Variants in LRRC49 observed in about 807,000 individuals in gnomAD.
The protein encoded by LRRC49 is leucine rich repeat containing 49.
In LRRC49, 50 loss-of-function variants were observed where a neutral mutation model predicts 83.3. The observed-to-expected ratio is 0.60, with a 90% CI of 0.48 to 0.76. The LOEUF (loss-of-function observed/expected upper bound fraction) is 0.76. Ranked by LOEUF, LRRC49 falls within the 30% of genes least tolerant of loss-of-function variation. LRRC49 has a pLI of 0.00. For synonymous variants in LRRC49, 286 were observed against 283.3 expected, an observed-to-expected ratio of 1.01 and a Z score of -0.10; for missense variants, 704 against 809.1, an observed-to-expected ratio of 0.87 and a Z score of 1.58.
At chr15:70,870,402 G>A (rs1290349061) in intron 1 of LRRC49, among the ~76,000 whole-genome samples, 2 of 152,186 alleles carry the variant, frequency 1.3e-5, no homozygotes, top group Non-Finnish European at 2.9e-5. Flanking sequence ...TGTGACACTT[G>A]AGGTTCATGT....
chr15:70,873,077 GT>G lies in LRRC49; in HGVS notation c.-126del. 4.2e-6 allele frequency: 3 copies of G among 716,236 alleles called. No homozygotes were observed. The East Asian group carries it at 8.2e-5, about 20-fold the overall frequency. 44.4% of individuals were successfully genotyped at this position (716,236 alleles called of 1,614,324 possible). On this transcript the variant is annotated 5_prime_UTR_variant, in exon 2 of 17. Transcript: ENST00000544974. Reference sequence around the variant, plus strand: ...TTTTTGTATTTTTAGTAGAGGCGGGGTTTCACCATCTTGGCCAGGCTGGTCT... The same window carrying G: ...TTTTTGTATTTTTAGTAGAGGCGGGGTTCACCATCTTGGCCAGGCTGGTCT...
At chr15:70,988,605 G>A (rs1448887542) in intron 11 of LRRC49, among the ~76,000 whole-genome samples, 2 of 151,362 alleles carry the variant, frequency 1.3e-5, no homozygotes, top group Non-Finnish European at 3.0e-5. Context: ...GCCAGTCTGT[G>A]TCTTTTAATT....
chr15:70,947,966 G>A (rs1428716777), intron 8 of LRRC49, among the ~76,000 whole-genome samples: 1 of 152,172 alleles, frequency 6.6e-6, no homozygotes, highest in Non-Finnish European at 1.5e-5. Context: ...ATTACCAAGG[G>A]AAGGGAAGTT....
intron 4 of LRRC49, among the ~76,000 whole-genome samples, chr15:70,904,275 A>T (rs1376647375): frequency 6.6e-5 from 10 of 152,322 alleles, no homozygotes; most frequent in African/African-American, 2.4e-4. Context: ...TCTCATGTTA[A>T]GTCAATTTCA....
chr15:71,049,595 A>T lies in LRRC49; in HGVS notation c.2044A>T (p.Ile682Leu), dbSNP rs1208480404. 3.8e-6 allele frequency: 6 copies of T among 1,596,838 alleles called. No homozygotes were observed. Among genetic ancestry groups the T allele is most frequent in the Non-Finnish European group, 5.1e-6 (6 of 1,175,714 alleles). ...NSYMKLCLQQITDQK is the reference protein window; with the variant it reads ...NSYMKLCLQQLTDQK The stretch of plus-strand genomic sequence containing the variant: ...CTATATGAAGCTCTGCCTACAGCAG[A>T]TAACAGACCAAAAATAAAAATGGCC... The change falls in exon 16 of 16, where the codon ATA becomes TTA. Residue 682 changes from isoleucine to leucine, a missense_variant. Around this residue, in one of 3 missense-constraint regions of LRRC49, gnomAD observed 275 missense variants for 338.0 expected, o/e 0.81. Coordinates refer to ENST00000260382, the MANE Select transcript of LRRC49 (RefSeq NM_017691.5).
At chr15:70,930,505 T>C (rs1051413395) in intron 7 of LRRC49, among the ~76,000 whole-genome samples, 2 of 152,206 alleles carry the variant, frequency 1.3e-5, no homozygotes, top group Admixed American at 6.5e-5. Flanking sequence ...CAGAGGAGCA[T>C]TGGCTTCATC....
At chr15:70,965,069 A>G (rs930155714) in intron 9 of LRRC49, among the ~76,000 whole-genome samples, 6 of 152,128 alleles carry the variant, frequency 3.9e-5, no homozygotes, top group Admixed American at 6.6e-5. Context: ...ATTCAGCTCT[A>G]TAGTGTCAAC....
At chr15:70,928,414 AT>A (rs1567056553) in intron 7 of LRRC49, among the ~76,000 whole-genome samples, 1 of 152,138 alleles carries the variant, frequency 6.6e-6, no homozygotes. Context: ...TTTTAAGTTT[AT>A]TTTCCCCAAG....
chr15:70,947,164 A>C (rs1297078311), intron 8 of LRRC49, among the ~76,000 whole-genome samples: 1 of 152,130 alleles, frequency 6.6e-6, no homozygotes, highest in East Asian at 1.9e-4. Flanking sequence ...AGTTTTTCAT[A>C]GCTGGGTGGG....
chr15:71,009,676 A>C, intron 12 of LRRC49, 131 bp from the exon 13 acceptor site: 1 of 577,194 alleles, frequency 1.7e-6, no homozygotes, highest in South Asian at 3.0e-5. Flanking sequence ...GATTTAATGT[A>C]ATTGAAAACA....
At position 70,984,243 on chromosome 15, in the gene LRRC49, C is replaced by G; in HGVS notation, c.1155C>G (p.Phe385Leu). The change falls in exon 11 of 16, where the codon TTC becomes TTG. Residue 385 changes from phenylalanine to leucine, a missense_variant. Physicochemically the swap from Phe to Leu is conservative, Grantham distance 22. Around this residue, in one of 3 missense-constraint regions of LRRC49, gnomAD observed 168 missense variants for 140.6 expected, o/e 1.20. Coordinates refer to ENST00000260382, the MANE Select transcript of LRRC49 (RefSeq NM_017691.5). ...TTGATGGAAGCACCCTCTCTGCATT[C>G]CCAGAGGAAACAGGGTATGCAATGG... ...CQIDGSTLSA[F>L]PEETGPLDSG... The G allele has an allele frequency of 6.2e-7, 1 of 1,611,496 alleles. No individual in the cohort carries two copies. The highest frequency in any genetic ancestry group is 8.5e-7 in the Non-Finnish European group (1 of 1,178,676).
At chr15:70,918,551 T>C (rs534339658) in intron 6 of LRRC49, 1 of 152,456 alleles carries the variant, frequency 6.6e-6, no homozygotes, top group African/African-American at 2.4e-5. Flanking sequence ...CTGGGAATCC[T>C]AGTTCCTTGA....
chr15:70,982,691 A>T (rs1453055611), intron 10 of LRRC49, among the ~76,000 whole-genome samples: 4 of 152,136 alleles, frequency 2.6e-5, no homozygotes, highest in Non-Finnish European at 1.5e-5. Context: ...ACTGTAGCAC[A>T]CTACAGCTTT....
intron 1 of LRRC49, among the ~76,000 whole-genome samples, chr15:70,867,460 C>T (rs2032937642): frequency 6.6e-6 from 1 of 152,192 alleles, no homozygotes; most frequent in Non-Finnish European, 1.5e-5. Flanking sequence ...TTACTGTGTT[C>T]TTGGCCTATG....
intron 1 of LRRC49, among the ~76,000 whole-genome samples, chr15:70,871,472 C>A (rs1339177279): frequency 6.6e-6 from 1 of 152,242 alleles, no homozygotes; most frequent in East Asian, 1.9e-4. Flanking sequence ...TTGGGCACAC[C>A]TCCCAGACCA....
chr15:71,008,598 T>G lies in LRRC49; in HGVS notation c.1389T>G (p.Ile463Met). The stretch of plus-strand genomic sequence containing the variant: ...TCCAAGTGCTTCCTAAACTGAAGAT[T>G]AAGTTTCCTAATTCTCTGGTAAATA... ...EIVQVLPKLK[I>M]KFPNSLHLKF... is the part of the protein sequence containing the mutation. Residue 463 changes from isoleucine to methionine, a missense_variant, in exon 12 of 16, where the codon ATT (isoleucine) becomes ATG (methionine). Around this residue, in one of 3 missense-constraint regions of LRRC49, gnomAD observed 275 missense variants for 338.0 expected, o/e 0.81. Coordinates refer to ENST00000260382, the MANE Select transcript of LRRC49 (RefSeq NM_017691.5). The G allele has an allele frequency of 6.2e-7, 1 of 1,609,254 alleles. No individual in the cohort carries two copies. Among genetic ancestry groups the G allele is most frequent in the Non-Finnish European group, 8.5e-7 (1 of 1,176,182 alleles).
Position 71,009,985 on chromosome 15 carries a change from G to C in LRRC49, c.1586G>C (p.Gly529Ala). The C allele has an allele frequency of 6.4e-7, 1 of 1,574,162 alleles. No individual in the cohort carries two copies. Among genetic ancestry groups the C allele is most frequent in the Non-Finnish European group, 8.6e-7 (1 of 1,157,776 alleles). ...CATTTCAGTATGCAGAAAATAAATG[G>C]AACAGAGGTAAGCTAAAAACTAGAT... ...LSHFSMQKIN[G>A]TEVTQNDMIM... Residue 529 changes from glycine to alanine, a missense_variant, in exon 13 of 16, where the codon GGA (glycine) becomes GCA (alanine). By Grantham distance (60) the Gly-to-Ala change is moderately conservative. Transcript: ENST00000260382.
At chr15:70,970,285 G>A (rs1367287493) in intron 9 of LRRC49, among the ~76,000 whole-genome samples, 1 of 152,136 alleles carries the variant, frequency 6.6e-6, no homozygotes, top group Admixed American at 6.6e-5. Flanking sequence ...TACATTTATT[G>A]ATTTGAGTAT....
chr15:70,868,963 G>A (rs1016034274), intron 1 of LRRC49, among the ~76,000 whole-genome samples: 4 of 152,120 alleles, frequency 2.6e-5, no homozygotes, highest in African/African-American at 9.7e-5. Flanking sequence ...TCAGAAATAA[G>A]CACAAAGATT....
Sources: allele counts gnomAD v4.1 joint callset (sites outside exome capture counted in the v4.1 genomes callset), GRCh38; gene constraint gnomAD v4.1.1; regional missense constraint gnomAD v4.1.1; transcripts MANE v1.5; gene names NCBI Gene and HGNC (gene_info 2026-07-23, HGNC 2026-07-21).